Variants in MAML3 observed in about 807,000 individuals in gnomAD.
The protein encoded by MAML3 is mastermind-like protein 3.
Under a neutral mutation model 101.9 loss-of-function variants are expected in MAML3, and 27 were observed. The ratio of observed to expected loss-of-function variants is 0.27; its 90% CI spans 0.20 to 0.37. The LOEUF (loss-of-function observed/expected upper bound fraction) is 0.37. MAML3 is among the 10% of genes least tolerant of loss of function. The pLI is 1.00. For synonymous variants in MAML3, 501 were observed against 555.9 expected, an observed-to-expected ratio of 0.90 and a Z score of 1.39; for missense variants, 1,316 against 1,444.9, an observed-to-expected ratio of 0.91 and a Z score of 1.45.
intron 1 of MAML3, among the ~76,000 whole-genome samples, chr4:140,019,195 G>A (rs1272759565): frequency 6.6e-6 from 1 of 151,810 alleles, no homozygotes; most frequent in Non-Finnish European, 1.5e-5. Context: ...TTTCAGTTTA[G>A]AAAACTCTCC....
chr4:140,131,781 CA>C (rs1475179866), intron 1 of MAML3, among the ~76,000 whole-genome samples: 1 of 152,224 alleles, frequency 6.6e-6, no homozygotes, highest in African/African-American at 2.4e-5. Flanking sequence ...CATCAGCAAT[CA>C]GTCTACTGCT....
chr4:140,090,255 T>A (rs2110980240), intron 1 of MAML3, among the ~76,000 whole-genome samples: 1 of 152,260 alleles, frequency 6.6e-6, no homozygotes, highest in Middle Eastern at 3.4e-3. Context: ...GTGTGGAATA[T>A]CCAACAATGA....
chr4:139,918,083 T>C (rs1733059115), intron 1 of MAML3, among the ~76,000 whole-genome samples: 1 of 152,130 alleles, frequency 6.6e-6, no homozygotes, highest in Non-Finnish European at 1.5e-5. Context: ...ATCTGTCACC[T>C]TTTCTGAGTC....
intron 2 of MAML3, among the ~76,000 whole-genome samples, chr4:139,834,613 G>C (rs1051203832): frequency 3.3e-4 from 50 of 152,232 alleles, no homozygotes; most frequent in Non-Finnish European, 7.3e-4. Flanking sequence ...TGCTGATGCT[G>C]ATGGTTCCCT....
rs555792023 is a variant in MAML3 at position 139,744,920 on chromosome 4, A to G, written c.2080-14253T>C. On this transcript the variant is annotated intron_variant, in intron 2 of 4. Coordinates refer to ENST00000509479, the MANE Select transcript of MAML3 (RefSeq NM_018717.5). ...AGGCCCAAATGTGGATACAAGGCAC[A>G]TGAGTTCTAGGCAGTGTTTGACCTG... 1.3e-4 allele frequency among the ~76,000 whole-genome samples: 20 copies of G among 152,364 alleles called. No homozygotes were observed. The South Asian group carries it at 2.5e-3, about 19-fold the overall frequency.
At chr4:140,014,773 A>T (rs1196812137) in intron 1 of MAML3, among the ~76,000 whole-genome samples, 2 of 152,204 alleles carry the variant, frequency 1.3e-5, no homozygotes, top group Non-Finnish European at 2.9e-5. Context: ...TTCAGCATTA[A>T]CGTCATAGGA....
At chr4:139,745,286 G>A (rs1414558164) in intron 2 of MAML3, among the ~76,000 whole-genome samples, 1 of 97,416 alleles carries the variant, frequency 1.0e-5, no homozygotes, top group African/African-American at 3.2e-5. Flanking sequence ...CTCGACCACC[G>A]TCCATCAGGA....
chr4:139,861,477 ATGTGTGTGTG>A (rs55851938), intron 2 of MAML3, among the ~76,000 whole-genome samples: 2 of 146,392 alleles, frequency 1.4e-5, no homozygotes, highest in Non-Finnish European at 3.0e-5. Context: ...TAACCAGCCG[ATGTGTGTGTG>A]TGTGTGTGTG....
chr4:140,139,473 T>A (rs1728948121), intron 1 of MAML3, among the ~76,000 whole-genome samples: 1 of 151,690 alleles, frequency 6.6e-6, no homozygotes, highest in East Asian at 1.9e-4. Flanking sequence ...AGGAGGATAG[T>A]TTAAAACAGG....
At chr4:139,977,509 T>G (rs192163185) in intron 1 of MAML3, among the ~76,000 whole-genome samples, 10 of 152,294 alleles carry the variant, frequency 6.6e-5, no homozygotes, top group Admixed American at 6.5e-4. Flanking sequence ...CAGACCCTAC[T>G]TTGGAACATT....
chr4:140,015,157 G>C (rs1726622097), intron 1 of MAML3, among the ~76,000 whole-genome samples: 1 of 152,102 alleles, frequency 6.6e-6, no homozygotes. Context: ...TTTAAAGTAT[G>C]AATTAAAAGT....
chr4:139,930,425 C>T (rs1370960745), intron 1 of MAML3, among the ~76,000 whole-genome samples: 1 of 152,154 alleles, frequency 6.6e-6, no homozygotes, highest in Non-Finnish European at 1.5e-5. Context: ...GAGGAACGGT[C>T]CCAGCCATCA....
At chr4:140,054,530 A>G (rs1727320790) in intron 1 of MAML3, among the ~76,000 whole-genome samples, 1 of 152,180 alleles carries the variant, frequency 6.6e-6, no homozygotes, top group Admixed American at 6.5e-5. Context: ...TCTCTTCATT[A>G]TCTGCCTAAG....
intron 1 of MAML3, among the ~76,000 whole-genome samples, chr4:139,921,645 A>AC (rs1174154795): frequency 6.6e-6 from 1 of 151,574 alleles, no homozygotes; most frequent in African/African-American, 2.4e-5. Context: ...CTCACCACAA[A>AC]CCCCCTTCAG....
At chr4:140,093,630 G>A (rs546732866) in intron 1 of MAML3, among the ~76,000 whole-genome samples, 19 of 151,436 alleles carry the variant, frequency 1.3e-4, no homozygotes, top group African/African-American at 4.1e-4. Flanking sequence ...GGGTTTCACC[G>A]TGTTAGCCAG....
At position 140,142,143 on chromosome 4, in the gene MAML3, T is replaced by C. The variant is rs188263812; in HGVS notation, c.468+10717A>G. Among the ~76,000 whole-genome samples, 514 of 150,594 alleles carry C rather than the reference T, an allele frequency of 3.4e-3. 5 individuals are homozygous for C. Among genetic ancestry groups the C allele is most frequent in the African/African-American group, 0.012 (497 of 40,196 alleles). On this transcript the variant is annotated intron_variant, in intron 1 of 4. Transcript: ENST00000509479. ...GAGGATCTATATGCACCAACTTGGATGGCTCTCTAAAATATATGAAAGAGA... is the reference window on the plus strand; with the variant it reads ...GAGGATCTATATGCACCAACTTGGACGGCTCTCTAAAATATATGAAAGAGA...
Position 139,725,739 on chromosome 4 carries a change from C to T in MAML3, c.2416+12G>A, listed in dbSNP as rs570192475. On this transcript the variant is annotated intron_variant, in intron 4 of 4. Coordinates refer to ENST00000509479, the MANE Select transcript of MAML3 (RefSeq NM_018717.5). Reference sequence around the variant, plus strand: ...GGAAGGTATAAAATGAGAGAGGTTGCACTGGCCTCACCTTGAAACTGATTG... The same window carrying T: ...GGAAGGTATAAAATGAGAGAGGTTGTACTGGCCTCACCTTGAAACTGATTG... 17 of 1,613,448 alleles carry T rather than the reference C, an allele frequency of 1.1e-5. No individual in the cohort carries two copies. The highest frequency in any genetic ancestry group is 3.3e-5 in the Admixed American group (2 of 60,024).
At chr4:139,953,099 C>T (rs905276972) in intron 1 of MAML3, among the ~76,000 whole-genome samples, 4 of 152,208 alleles carry the variant, frequency 2.6e-5, no homozygotes, top group Middle Eastern at 3.4e-3. Context: ...AGATGTTAAA[C>T]GTGGTATGCT....
At chr4:139,765,242 T>C (rs1365797861) in intron 2 of MAML3, among the ~76,000 whole-genome samples, 1 of 152,252 alleles carries the variant, frequency 6.6e-6, no homozygotes, top group African/African-American at 2.4e-5. Flanking sequence ...GTGGGGCACA[T>C]GGACAAAAAT....
Sources: allele counts gnomAD v4.1 joint callset (sites outside exome capture counted in the v4.1 genomes callset), GRCh38; gene constraint gnomAD v4.1.1; transcripts MANE v1.5; gene names NCBI Gene and HGNC (gene_info 2026-07-23, HGNC 2026-07-21).